Variants in MAPT observed in about 807,000 individuals in gnomAD.
The protein encoded by MAPT is microtubule associated protein tau.
Under a neutral mutation model 67.9 loss-of-function variants are expected in MAPT, and 34 were observed. The observed-to-expected ratio is 0.50, with a 90% CI of 0.38 to 0.67. The LOEUF (loss-of-function observed/expected upper bound fraction) is 0.67, where lower values mean the gene tolerates loss of function less well. Ranked by LOEUF, MAPT falls within the 30% of genes least tolerant of loss-of-function variation. The pLI, the probability that MAPT is intolerant of heterozygous loss-of-function variation, is 0.00. For missense variants in MAPT, 881 were observed against 1,115.2 expected, an observed-to-expected ratio of 0.79 and a Z score of 2.99; for synonymous variants, 456 against 464.5, an observed-to-expected ratio of 0.98 and a Z score of 0.23.
chr17:45,974,820 C>T, intron 3 of MAPT: 1 of 342,280 alleles, frequency 2.9e-6, no homozygotes, highest in South Asian at 2.7e-5. Flanking sequence ...AGTCCACCCT[C>T]CTGCTCAGAC....
intron 1 of MAPT, among the ~76,000 whole-genome samples, chr17:45,960,133 A>G (rs1052651126): frequency 6.6e-6 from 1 of 152,248 alleles, no homozygotes; most frequent in African/African-American, 2.4e-5. Context: ...ACATTTGCAC[A>G]AGTGCCTGAT....
chr17:45,999,448 C>T, intron 9 of MAPT: 1 of 1,614,072 alleles, frequency 6.2e-7, no homozygotes, highest in Non-Finnish European at 8.5e-7. Flanking sequence ...AGTAGCTTCC[C>T]TGTTGACCCT....
intron 1 of MAPT, among the ~76,000 whole-genome samples, chr17:45,917,484 T>C (rs1419559951): frequency 2.0e-5 from 3 of 152,230 alleles, no homozygotes; most frequent in Admixed American, 2.0e-4. Flanking sequence ...TTGCCCCTGC[T>C]TAAAAACTAA....
intron 1 of MAPT, among the ~76,000 whole-genome samples, chr17:45,959,670 A>G (rs2070161402): frequency 6.6e-6 from 1 of 152,002 alleles, no homozygotes; most frequent in Non-Finnish European, 1.5e-5. Context: ...AATCCCAGCT[A>G]CTCGGGAGGC....
chr17:45,926,883 C>T (rs966096405), intron 1 of MAPT, among the ~76,000 whole-genome samples: 3 of 150,012 alleles, frequency 2.0e-5, no homozygotes, highest in Non-Finnish European at 2.9e-5. Context: ...GAAAAAAGTA[C>T]GTGTGTGGTA....
At chr17:45,985,851 A>AT in intron 5 of MAPT, 1 of 283,656 alleles carries the variant, frequency 3.5e-6, no homozygotes, top group Non-Finnish European at 5.3e-6. Flanking sequence ...TTAGCAGGTG[A>AT]TTCTGCCACA....
intron 1 of MAPT, among the ~76,000 whole-genome samples, chr17:45,904,593 G>A (rs573991980): frequency 4.0e-5 from 6 of 150,568 alleles, no homozygotes; most frequent in Admixed American, 2.0e-4. Flanking sequence ...TTGGGAGGCC[G>A]AAGCAGGAGG....
At chr17:45,956,573 TATATATATATATATATATATATA>T (rs1209362999) in intron 1 of MAPT, among the ~76,000 whole-genome samples, 3,335 of 24,538 alleles carry the variant, frequency 0.14, 80 homozygotes, top group Non-Finnish European at 0.26. Context: ...TATATATATA[TATATATATATATATATATATATA>T]TATATTTTTT....
At chr17:46,006,121 ATGTAGGTCAGGCGCTCCTGTGTTGAT>A (rs1336540480) in intron 9 of MAPT, among the ~76,000 whole-genome samples, 3 of 152,238 alleles carry the variant, frequency 2.0e-5, no homozygotes, top group Non-Finnish European at 4.4e-5. Flanking sequence ...GTATCTAAAA[ATGTAGGTCAGGCGCTCCTGTGTTGAT>A]TGCAGGGCTA....
chr17:46,003,471 G>T (rs1419157185), intron 9 of MAPT, among the ~76,000 whole-genome samples: 1 of 151,916 alleles, frequency 6.6e-6, no homozygotes, highest in Non-Finnish European at 1.5e-5. Flanking sequence ...TAGAGGAGGG[G>T]TGTCACCATG....
At chr17:45,994,075 T>A in intron 8 of MAPT, 1 of 1,216,400 alleles carries the variant, frequency 8.2e-7, no homozygotes, top group Non-Finnish European at 1.2e-6. Context: ...TTTTCTGCAA[T>A]GCAGGGTTCA....
At chr17:45,930,409 A>G (rs2066739548) in intron 1 of MAPT, among the ~76,000 whole-genome samples, 1 of 108,728 alleles carries the variant, frequency 9.2e-6, no homozygotes, top group South Asian at 2.5e-4. Context: ...TCTGTCTCCA[A>G]AAAAAAAAAA....
At chr17:45,917,657 G>A (rs955688958) in intron 1 of MAPT, among the ~76,000 whole-genome samples, 13 of 152,166 alleles carry the variant, frequency 8.5e-5, no homozygotes, top group African/African-American at 2.9e-4. Flanking sequence ...TCTTGCCCAG[G>A]GTGAGGGAAC....
intron 9 of MAPT, among the ~76,000 whole-genome samples, chr17:46,003,309 C>T (rs2075162456): frequency 6.6e-6 from 1 of 151,394 alleles, no homozygotes. Context: ...GACAGAGTCT[C>T]ACTCTGTCAC....
chr17:45,973,224 G>T (rs777627114), intron 3 of MAPT: 4 of 152,188 alleles, frequency 2.6e-5, no homozygotes, highest in Admixed American at 6.5e-5. Context: ...GCAGGCATGG[G>T]CCTTGCCGCT....
chr17:45,993,386 C>T (rs2074229244), intron 8 of MAPT, among the ~76,000 whole-genome samples: 1 of 151,822 alleles, frequency 6.6e-6, no homozygotes, highest in African/African-American at 2.4e-5. Flanking sequence ...TTTCACTTAA[C>T]ATCGGGCCAG....
At chr17:45,922,419 C>G (rs1967981) in intron 1 of MAPT, among the ~76,000 whole-genome samples, 21,787 of 151,548 alleles carry the variant, frequency 0.14, 2,127 homozygotes, top group Middle Eastern at 0.22. Flanking sequence ...ACTTCTAATT[C>G]AATGCCTGTT....
In MAPT at chr17:45,971,403, T is replaced by C. The variant is rs1212025856; in HGVS notation, c.134-456T>C. Among the ~76,000 whole-genome samples the C allele has an allele frequency of 1.3e-5, 2 of 152,240 alleles. No individual in the cohort carries two copies. Among genetic ancestry groups the C allele is most frequent in the East Asian group, 3.8e-4 (2 of 5,204 alleles). ...AATGTCCACTTAGAAGTAAGCACCG[T>C]GTCTGCCCTGAGCTGACTCCTTTTC... On this transcript the variant is annotated intron_variant, in intron 2 of 12. Coordinates refer to ENST00000262410, the MANE Select transcript of MAPT (RefSeq NM_001377265.1). The surrounding 1 kb of genome is among the most constrained non-coding windows in gnomAD (Gnocchi z 4.3).
chr17:45,905,098 G>C (rs958266653), intron 1 of MAPT, among the ~76,000 whole-genome samples: 1 of 152,162 alleles, frequency 6.6e-6, no homozygotes, highest in African/African-American at 2.4e-5. Flanking sequence ...CCAGTGCAGC[G>C]GCTCAGCCTC....
Sources: gnomAD v4.1 joint callset for allele counts (sites outside exome capture counted in the v4.1 genomes callset) on GRCh38, gnomAD v4.1.1 for gene constraint, Gnocchi (gnomAD v3.1) non-coding constraint, MANE v1.5 for transcripts, NCBI Gene and HGNC (gene_info 2026-07-23, HGNC 2026-07-21) for gene names.